Variants in OTUD4 observed in about 807,000 individuals in gnomAD.
OTUD4 encodes the protein OTU domain-containing protein 4.
OTUD4 carries 24 observed loss-of-function variants against 130.4 expected under a neutral mutation model. The ratio of observed to expected loss-of-function variants is 0.18; its 90% CI spans 0.13 to 0.26. The LOEUF is 0.26. Among genes scored for constraint, OTUD4 ranks in the 10% least tolerant of loss-of-function variants. OTUD4 has a pLI of 1.00. For synonymous variants in OTUD4, 420 were observed against 472.5 expected, an observed-to-expected ratio of 0.89 and a Z score of 1.44; for missense variants, 1,031 against 1,329.4, an observed-to-expected ratio of 0.78 and a Z score of 3.49.
intron 7 of OTUD4, among the ~76,000 whole-genome samples, chr4:145,156,624 A>G (rs1172566252): frequency 6.6e-6 from 1 of 151,456 alleles, no homozygotes; most frequent in Non-Finnish European, 1.5e-5. Flanking sequence ...CGGAGGTTGC[A>G]GTGAGCTGTG....
chr4:145,152,582 A>T lies in OTUD4; in HGVS notation c.927T>A (p.His309Gln). The T allele has an allele frequency of 6.2e-7, 1 of 1,612,170 alleles. No individual in the cohort carries two copies. Among genetic ancestry groups the T allele is most frequent in the East Asian group, 2.2e-5 (1 of 44,860 alleles). ...CAACCAAAACTGGTCCATTCTCAGA[A>T]TGAATTCCTTGAACATCTGCATTCA... The part of the protein sequence containing the change: ...KFLNADVQGI[H>Q]SENGPVLVEE... Residue 309 changes from histidine to glutamine, a missense_variant, in exon 11 of 21, where the codon CAT becomes CAA. Around this residue, in one of 3 missense-constraint regions of OTUD4, gnomAD observed 900 missense variants for 1,095.9 expected, o/e 0.82. Transcript: ENST00000447906.
chr4:145,140,310 G>A (rs1161695262), intron 19 of OTUD4, among the ~76,000 whole-genome samples: 1 of 152,122 alleles, frequency 6.6e-6, no homozygotes, highest in Non-Finnish European at 1.5e-5. Context: ...TTTTCTGGGG[G>A]TTTAAAAATT....
chr4:145,155,974 C>T lies in OTUD4; in HGVS notation c.652G>A (p.Ala218Thr), dbSNP rs757957824. ...SCKSKTAAAA[A>T]DVNGFKPLSG... ...AAAGGTTTAAATCCATTCACATCAG[C>T]AGCAGCAGCAGCAGTCTTACTCCTA... Residue 218 changes from alanine (A) to threonine (T), a missense_variant, in exon 8 of 21, where the codon GCT becomes ACT. Physicochemically the swap from Ala to Thr is moderately conservative, Grantham distance 58. Around this residue, in one of 3 missense-constraint regions of OTUD4, gnomAD observed 900 missense variants for 1,095.9 expected, o/e 0.82. Coordinates refer to ENST00000447906, the MANE Select transcript of OTUD4 (RefSeq NM_001366057.1). 2 of 1,610,622 alleles carry T rather than the reference C, an allele frequency of 1.2e-6. No homozygotes were observed. Among genetic ancestry groups the T allele is most frequent in the Non-Finnish European group, 1.7e-6 (2 of 1,178,502 alleles).
intron 15 of OTUD4, 92 bp from the exon 16 acceptor site, chr4:145,144,093 G>A (rs888208192): frequency 8.6e-7 from 1 of 1,162,806 alleles, no homozygotes; most frequent in Admixed American, 2.0e-5. Context: ...GAAGCCAAAA[G>A]TATTATTTGA....
At position 145,164,328 on chromosome 4, in the gene OTUD4, G is replaced by A. The variant is rs1209020222; in HGVS notation, c.342-102C>T. 7.4e-6 allele frequency: 4 copies of A among 538,768 alleles called. No homozygotes were observed. In the East Asian group the frequency reaches 1.3e-4, roughly 17 times the overall value. 33.4% of individuals were successfully genotyped at this position (538,768 alleles called of 1,614,324 possible). On this transcript the variant is annotated intron_variant, in intron 4 of 20. Transcript: ENST00000447906. ...AAGGGCCTAATACGTGCCAGGCACT[G>A]TCCCAACCACTGGAGATACAAAAGA...
At chr4:145,156,786 T>G (rs1316299739) in intron 7 of OTUD4, among the ~76,000 whole-genome samples, 4 of 152,192 alleles carry the variant, frequency 2.6e-5, no homozygotes, top group Non-Finnish European at 5.9e-5. Context: ...CACATTCATA[T>G]ACTCAATAAA....
intron 3 of OTUD4, among the ~76,000 whole-genome samples, chr4:145,169,040 C>T (rs1203332384): frequency 6.6e-6 from 1 of 152,186 alleles, no homozygotes; most frequent in African/African-American, 2.4e-5. Context: ...AAGCCAAATA[C>T]ATAAGACTAC....
At chr4:145,178,231 A>G (rs1181029535) in intron 1 of OTUD4, 1 of 152,238 alleles carries the variant, frequency 6.6e-6, no homozygotes, top group Non-Finnish European at 1.5e-5. Flanking sequence ...AATCAAGGCC[A>G]CCGAGTATCT....
intron 13 of OTUD4, among the ~76,000 whole-genome samples, chr4:145,149,941 G>T (rs899496288): frequency 2.0e-5 from 3 of 152,124 alleles, no homozygotes; most frequent in Admixed American, 2.0e-4. Context: ...AGAAAGTGAA[G>T]ACTAGGGAAA....
At position 145,136,267 on chromosome 4, in the gene OTUD4, A is replaced by T. The variant is rs1750242894; in HGVS notation, c.*1163T>A. 1 of 152,554 alleles carries T rather than the reference A, an allele frequency of 6.6e-6. No individual in the cohort carries two copies. The highest frequency in any genetic ancestry group is 2.4e-5 in the African/African-American group (1 of 41,440). The allele number at this position is 152,554 out of a possible 1,614,324, so 9.5% of individuals were successfully genotyped here. A position where few individuals can be genotyped will look rare whatever the true frequency, so the allele number is the denominator to read the frequency against. On this transcript the variant is annotated 3_prime_UTR_variant, in exon 21 of 21. Coordinates refer to ENST00000447906, the MANE Select transcript of OTUD4 (RefSeq NM_001366057.1). ...GGAACCTCTAGTGAATACTGCAAAG[A>T]CTGGAAGAAAACAGAATGTAAGATG...
chr4:145,143,329 TG>T, intron 17 of OTUD4, 35 bp downstream of exon 17: 1 of 1,270,402 alleles, frequency 7.9e-7, no homozygotes. Flanking sequence ...ACCCAGAGAG[TG>T]GAGCATTCAA....
At position 145,180,064 on chromosome 4, in the gene OTUD4, G is replaced by A. The variant is rs1258685730; in HGVS notation, c.-91C>T. 2 of 1,076,604 alleles carry A rather than the reference G, an allele frequency of 1.9e-6. No homozygotes were observed. Among genetic ancestry groups the A allele is most frequent in the Non-Finnish European group, 2.3e-6 (2 of 867,136 alleles). The allele number at this position is 1,076,604 out of a possible 1,614,324, so 66.7% of individuals were successfully genotyped here. ...CTCGACGCCCCGGCCTGGGGCAGGC[G>A]GCGGCTCGGGCTGGGGCTCGGGCTC... On this transcript the variant is annotated 5_prime_UTR_variant, in exon 1 of 21. Coordinates refer to ENST00000447906, the MANE Select transcript of OTUD4 (RefSeq NM_001366057.1).
In OTUD4 at chr4:145,155,893, T is replaced by C. The variant is rs748497408; in HGVS notation, c.690+43A>G. On this transcript the variant is annotated intron_variant, in intron 8 of 20. Transcript: ENST00000447906. ...TAAGATTTTAATGTACATGCTTTCT[T>C]ATATTAAAGAACTACATTTAAAACC... 1.6e-5 allele frequency: 23 copies of C among 1,446,144 alleles called. No homozygotes were observed. The Admixed American group carries it at 2.6e-4, about 16-fold the overall frequency. The allele number at this position is 1,446,144 out of a possible 1,614,324, so 89.6% of individuals were successfully genotyped here.
At chr4:145,174,847 C>G (rs998963162) in intron 1 of OTUD4, 103 bp from the exon 2 acceptor site, 11 of 671,294 alleles carry the variant, frequency 1.6e-5, no homozygotes, top group African/African-American at 1.4e-4. Flanking sequence ...AATAGATTAT[C>G]AGTCTTTCTC....
At position 145,143,477 on chromosome 4, in the gene OTUD4, A is replaced by G. The variant is rs372936984; in HGVS notation, c.1603-32T>C. On this transcript the variant is annotated intron_variant, in intron 16 of 20. Coordinates refer to ENST00000447906, the MANE Select transcript of OTUD4 (RefSeq NM_001366057.1). Reference sequence around the variant, plus strand: ...AAGCAAAAAAGAAGCAAAGTTTTGTATTTCAGAGACCCACATTCTGGAATA... The same window carrying G: ...AAGCAAAAAAGAAGCAAAGTTTTGTGTTTCAGAGACCCACATTCTGGAATA... 1.5e-5 allele frequency: 20 copies of G among 1,313,538 alleles called. No homozygotes were observed. In the African/African-American group the frequency reaches 1.9e-4, roughly 12 times the overall value. 81.4% of individuals were successfully genotyped at this position (1,313,538 alleles called of 1,614,324 possible).
intron 11 of OTUD4, among the ~76,000 whole-genome samples, 174 bp downstream of exon 11, chr4:145,152,367 T>G (rs1368995979): frequency 6.6e-6 from 1 of 152,172 alleles, no homozygotes. Flanking sequence ...CATCTCGGCC[T>G]CCCAAAGTGC....
chr4:145,144,364 C>T lies in OTUD4; in HGVS notation c.1493G>A (p.Gly498Asp). Reference sequence around the variant, plus strand: ...TCTCCGCCTGCTTCCTTTTCTATCACCTACATGTGATGATTTTCTCTGGAC... The same window carrying T: ...TCTCCGCCTGCTTCCTTTTCTATCATCTACATGTGATGATTTTCTCTGGAC... Reference protein sequence around the residue: ...PCVQRKSSHVGDRKGSRRRMD... With the variant: ...PCVQRKSSHVDDRKGSRRRMD... The change falls in exon 15 of 21, where the codon GGT becomes GAT. Residue 498 changes from glycine to aspartate, a missense_variant. Around this residue, in one of 3 missense-constraint regions of OTUD4, gnomAD observed 900 missense variants for 1,095.9 expected, o/e 0.82. Transcript: ENST00000447906. The T allele has an allele frequency of 6.2e-7, 1 of 1,612,800 alleles. No homozygotes were observed. Among genetic ancestry groups the T allele is most frequent in the Non-Finnish European group, 8.5e-7 (1 of 1,179,256 alleles).
At chr4:145,175,488 T>A (rs1179101087) in intron 1 of OTUD4, among the ~76,000 whole-genome samples, 1 of 152,182 alleles carries the variant, frequency 6.6e-6, no homozygotes, top group African/African-American at 2.4e-5. Flanking sequence ...AACAAAAAGA[T>A]AACTTACTGG....
intron 14 of OTUD4, among the ~76,000 whole-genome samples, chr4:145,144,778 A>G (rs1029005980): frequency 6.6e-6 from 1 of 152,162 alleles, no homozygotes; most frequent in African/African-American, 2.4e-5. Flanking sequence ...ACCTTCCAAA[A>G]AAATCATTGT....
Sources: gnomAD v4.1 joint callset for allele counts (sites outside exome capture counted in the v4.1 genomes callset) on GRCh38, gnomAD v4.1.1 for gene constraint, gnomAD v4.1.1 regional missense constraint, MANE v1.5 for transcripts, NCBI Gene and HGNC (gene_info 2026-07-23, HGNC 2026-07-21) for gene names.